MAF: variants seen among roughly 807,000 people sequenced by gnomAD.
MAF encodes transcription factor Maf.
A neutral mutation model predicts 22.0 loss-of-function variants in MAF; 10 were observed. The observed-to-expected ratio is 0.45, with a 90% CI of 0.28 to 0.77. MAF has a LOEUF of 0.77. MAF is among the 30% of genes least tolerant of loss of function. MAF has a pLI of 0.12. For missense variants in MAF, 544 were observed against 548.4 expected (o/e 0.99, Z 0.08); for synonymous variants, 337 against 255.8 (o/e 1.32, Z -3.03).
the MAF span, among the ~76,000 whole-genome samples, chr16:79,540,170 T>C: frequency 1.3e-5 from 2 of 151,154 alleles, no homozygotes; most frequent in African/African-American, 4.9e-5. Context: ...GACCAGAGGC[T>C]GTAAAGGAAT....
the MAF span, among the ~76,000 whole-genome samples, chr16:79,361,783 T>G: frequency 3.9e-5 from 6 of 152,130 alleles, no homozygotes; most frequent in African/African-American, 1.4e-4. Flanking sequence ...TGTTTTGATT[T>G]TTATTTTAGG....
the MAF span, among the ~76,000 whole-genome samples, chr16:79,343,194 C>A: frequency 6.6e-6 from 1 of 152,082 alleles, no homozygotes; most frequent in African/African-American, 2.4e-5. Context: ...TGCCACAAAT[C>A]TAAGACTATA....
the MAF span, among the ~76,000 whole-genome samples, chr16:79,288,837 C>T: frequency 6.6e-6 from 1 of 152,202 alleles, no homozygotes; most frequent in East Asian, 1.9e-4. Context: ...TCAAGCAATT[C>T]TCCTGCCTCA....
At chr16:79,502,761 T>C in the MAF span, among the ~76,000 whole-genome samples, 1 of 98,882 alleles carries the variant, frequency 1.0e-5, no homozygotes, top group South Asian at 3.0e-4. Flanking sequence ...ATATAAAGAC[T>C]CATTAGCTCA....
chr16:79,455,302 GTAAA>G, the MAF span, among the ~76,000 whole-genome samples: 6 of 151,856 alleles, frequency 4.0e-5, no homozygotes, highest in African/African-American at 7.3e-5. Context: ...TCTCTTTGGG[GTAAA>G]TAAATAAATA....
At chr16:79,212,569 T>TGTCA in the MAF span, 3 of 164,672 alleles carry the variant, frequency 1.8e-5, no homozygotes, top group Non-Finnish European at 2.7e-5. Context: ...TCCCTTTGTC[T>TGTCA]GTCAATCACA....
At chr16:79,348,109 C>A in the MAF span, among the ~76,000 whole-genome samples, 1 of 152,198 alleles carries the variant, frequency 6.6e-6, no homozygotes, top group Non-Finnish European at 1.5e-5. Flanking sequence ...CGGAAATAAA[C>A]CCTGTCAGAA....
chr16:79,314,346 A>T, the MAF span, among the ~76,000 whole-genome samples: 8 of 152,286 alleles, frequency 5.3e-5, no homozygotes, highest in East Asian at 1.2e-3. Context: ...TAAGTACCCC[A>T]GGGCTCTTCC....
At chr16:79,235,434 C>T in the MAF span, among the ~76,000 whole-genome samples, 16 of 151,968 alleles carry the variant, frequency 1.1e-4, no homozygotes, top group South Asian at 4.2e-4. Flanking sequence ...TGGTGGCACA[C>T]GCCTGTAGTC....
the MAF span, among the ~76,000 whole-genome samples, chr16:79,374,902 A>G: frequency 6.6e-6 from 1 of 152,204 alleles, no homozygotes; most frequent in African/African-American, 2.4e-5. Context: ...AATGAACTTG[A>G]TATAGGATCA....
At chr16:79,251,858 T>A in the MAF span, among the ~76,000 whole-genome samples, 1 of 152,232 alleles carries the variant, frequency 6.6e-6, no homozygotes, top group South Asian at 2.1e-4. Context: ...TAAAAAAAAT[T>A]TTTTTGTAAG....
At chr16:79,296,768 G>C in the MAF span, among the ~76,000 whole-genome samples, 1 of 151,976 alleles carries the variant, frequency 6.6e-6, no homozygotes, top group South Asian at 2.1e-4. Flanking sequence ...AGAGATGAAT[G>C]GGAAACACTC....
At chr16:79,469,348 T>A in the MAF span, among the ~76,000 whole-genome samples, 6 of 152,232 alleles carry the variant, frequency 3.9e-5, no homozygotes, top group South Asian at 1.2e-3. Flanking sequence ...AAATGGTGAG[T>A]GGTTAAAAAC....
the MAF span, among the ~76,000 whole-genome samples, chr16:79,365,166 G>T: frequency 1.3e-5 from 2 of 152,286 alleles, no homozygotes; most frequent in Admixed American, 6.5e-5. Context: ...CGTCTAATGT[G>T]CTTCCAGTGA....
At chr16:79,368,854 T>C in the MAF span, among the ~76,000 whole-genome samples, 2 of 152,204 alleles carry the variant, frequency 1.3e-5, no homozygotes, top group Admixed American at 6.5e-5. Context: ...CTAGTTCCAA[T>C]TTAAAATTGG....
chr16:79,467,125 C>T, the MAF span, among the ~76,000 whole-genome samples: 2 of 152,180 alleles, frequency 1.3e-5, no homozygotes, highest in African/African-American at 4.8e-5. Context: ...GCCCAGGATG[C>T]TGATCAAACC....
At chr16:79,418,733 T>C in the MAF span, among the ~76,000 whole-genome samples, 6 of 152,318 alleles carry the variant, frequency 3.9e-5, no homozygotes, top group South Asian at 8.3e-4. Flanking sequence ...CAAGGTTTTA[T>C]GACTTATTGT....
At chr16:79,367,043 T>C in the MAF span, among the ~76,000 whole-genome samples, 1 of 152,210 alleles carries the variant, frequency 6.6e-6, no homozygotes, top group African/African-American at 2.4e-5. Flanking sequence ...TTTTTCCTTT[T>C]GTGTGACGAA....
At chr16:79,385,532 C>T in the MAF span, among the ~76,000 whole-genome samples, 2 of 152,186 alleles carry the variant, frequency 1.3e-5, no homozygotes, top group African/African-American at 2.4e-5. Flanking sequence ...CATGCGTCTA[C>T]TTATGGCTTT....
Sources: allele counts gnomAD v4.1 joint callset (sites outside exome capture counted in the v4.1 genomes callset), GRCh38; gene constraint gnomAD v4.1.1; transcripts MANE v1.5; gene names NCBI Gene and HGNC (gene_info 2026-07-23, HGNC 2026-07-21).